The following UGT1A5 variants were observed in gnomAD, a reference collection of about 807,000 sequenced individuals.
UGT1A5 encodes the protein UDP-glucuronosyltransferase 1A5.
UGT1A5 carries 29 observed loss-of-function variants against 40.3 expected under a neutral mutation model. The observed-to-expected ratio is 0.72, with a 90% CI of 0.54 to 0.98. The LOEUF (loss-of-function observed/expected upper bound fraction) is 0.98, where lower values mean the gene tolerates loss of function less well. Ranked by LOEUF, UGT1A5 falls within the 50% of genes least tolerant of loss-of-function variation. UGT1A5 has a pLI of 0.00. For synonymous variants in UGT1A5, 257 were observed against 262.5 expected (o/e 0.98, Z 0.20); for missense variants, 678 against 677.9 (o/e 1.00, Z 0.00).
At chr2:233,759,612 A>G (rs992811783) in intron 1 of UGT1A5, among the ~76,000 whole-genome samples, 1 of 32,716 alleles carries the variant, frequency 3.1e-5, no homozygotes, top group African/African-American at 8.8e-5. Flanking sequence ...CGCCCCACCC[A>G]CCCACCTGTT....
chr2:233,755,353 G>C (rs1323397761), intron 1 of UGT1A5: 2 of 385,742 alleles, frequency 5.2e-6, no homozygotes, highest in Non-Finnish European at 9.5e-6. Context: ...GAGGCTTGGC[G>C]ACCTGGGCCG....
intron 1 of UGT1A5, among the ~76,000 whole-genome samples, chr2:233,736,694 G>T (rs2078793950): frequency 6.6e-6 from 1 of 152,122 alleles, no homozygotes; most frequent in South Asian, 2.1e-4. Context: ...CCTACAGATG[G>T]GGTTTTGGTG....
In UGT1A5 at chr2:233,772,530, A is replaced by G; in HGVS notation, c.1576A>G (p.Lys526Glu). The change falls in exon 5 of 5, where the codon AAG becomes GAG. Residue 526 changes from lysine (K) to glutamate (E), a missense_variant. By Grantham distance (56) the Lys-to-Glu change is moderately conservative (BLOSUM62 1). Transcript: ENST00000373414. ...ATGCTTGGGGAAAAAAGGGCGAGTT[A>G]AGAAAGCCCACAAATCCAAGACCCA... ...RKCLGKKGRVKKAHKSKTH is the reference protein window; with the variant it reads ...RKCLGKKGRVEKAHKSKTH 6.2e-7 allele frequency: 1 copy of G among 1,614,200 alleles called. No individual in the cohort carries two copies. The highest frequency in any genetic ancestry group is 2.2e-5 in the East Asian group (1 of 44,884).
At chr2:233,738,068 C>G (rs1312345006) in intron 1 of UGT1A5, among the ~76,000 whole-genome samples, 1 of 152,082 alleles carries the variant, frequency 6.6e-6, no homozygotes, top group Non-Finnish European at 1.5e-5. Context: ...GGGAGGTCCC[C>G]ACCTCCTAAT....
rs1427279208 is a variant in UGT1A5 at position 233,769,059 on chromosome 2, C to T, written c.1307+620C>T. Among the ~76,000 whole-genome samples, 3 of 152,006 alleles carry T rather than the reference C, an allele frequency of 2.0e-5. No individual in the cohort carries two copies. Among genetic ancestry groups the T allele is most frequent in the African/African-American group, 4.8e-5 (2 of 41,348 alleles). ...ACATCTGATCCATAAGTTTCCTGCA[C>T]AGAAAGAAATACTCCATTATAAGAA... is the stretch of plus-strand genomic sequence containing the variant. On this transcript the variant is annotated intron_variant, in intron 4 of 4. Transcript: ENST00000373414. The surrounding 1 kb of genome is among the most constrained non-coding windows in gnomAD (Gnocchi z 4.4).
In UGT1A5 at chr2:233,754,644, T is replaced by G. The variant is rs1255750118; in HGVS notation, c.868-12390T>G. 6 of 449,562 alleles carry G rather than the reference T, an allele frequency of 1.3e-5. No individual in the cohort carries two copies. In the Admixed American group the frequency reaches 1.5e-4, roughly 11 times the overall value. 27.8% of individuals were successfully genotyped at this position (449,562 alleles called of 1,614,324 possible). A position where few individuals can be genotyped will look rare whatever the true frequency, so the allele number is the denominator to read the frequency against. On this transcript the variant is annotated intron_variant, in intron 1 of 4. Coordinates refer to ENST00000373414, the MANE Select transcript of UGT1A5 (RefSeq NM_019078.2). ...CACTTCCACCCTTTCTTGGCCATTCTCAATGATTCTCTTGGTGGTGATTTT... is the reference window on the plus strand; with the variant it reads ...CACTTCCACCCTTTCTTGGCCATTCGCAATGATTCTCTTGGTGGTGATTTT...
chr2:233,723,050 G>T (rs1208688068), intron 1 of UGT1A5, among the ~76,000 whole-genome samples: 1 of 140,678 alleles, frequency 7.1e-6, no homozygotes, highest in African/African-American at 2.7e-5. Flanking sequence ...AGGCACACTC[G>T]GTGTAACTTT....
intron 1 of UGT1A5, chr2:233,753,565 G>GGACC (rs1470283120): frequency 1.3e-5 from 2 of 152,156 alleles, no homozygotes; most frequent in African/African-American, 4.8e-5. Flanking sequence ...CTAGAAGATG[G>GGACC]GACCCTTTGT....
chr2:233,729,045 G>T lies in UGT1A5; in HGVS notation c.867+15187G>T. 4.4e-6 allele frequency: 7 copies of T among 1,607,648 alleles called. No homozygotes were observed. In the South Asian group the frequency reaches 7.8e-5, roughly 18 times the overall value. ...ACGTTGATTTGCTAAGTGGCTCAGT[G>T]ACAAGGTAATTAAGATGAAGAAAGC... On this transcript the variant is annotated intron_variant, in intron 1 of 4. Transcript: ENST00000373414.
At chr2:233,720,293 G>T (rs1340833186) in intron 1 of UGT1A5, among the ~76,000 whole-genome samples, 1 of 152,182 alleles carries the variant, frequency 6.6e-6, no homozygotes, top group Non-Finnish European at 1.5e-5. Flanking sequence ...CTGACCAGGA[G>T]TTGGGGGTCT....
At chr2:233,719,619 AG>A in intron 1 of UGT1A5, 1 of 1,614,060 alleles carries the variant, frequency 6.2e-7, no homozygotes, top group Non-Finnish European at 8.5e-7. Context: ...GGACTACCCC[AG>A]GCCGATCATG....
intron 1 of UGT1A5, among the ~76,000 whole-genome samples, chr2:233,727,206 C>A (rs1441651485): frequency 6.6e-6 from 1 of 152,164 alleles, no homozygotes; most frequent in Non-Finnish European, 1.5e-5. Flanking sequence ...CTCACTGACA[C>A]CCATGGCTTC....
intron 1 of UGT1A5, among the ~76,000 whole-genome samples, chr2:233,748,516 C>G (rs60390282): frequency 6.6e-6 from 1 of 151,670 alleles, no homozygotes; most frequent in Non-Finnish European, 1.5e-5. Flanking sequence ...TCCTGTCTTG[C>G]GAATGATAGA....
intron 1 of UGT1A5, among the ~76,000 whole-genome samples, chr2:233,750,023 T>C (rs1409167915): frequency 6.6e-6 from 1 of 152,000 alleles, no homozygotes; most frequent in African/African-American, 2.4e-5. Context: ...AGTGGAGTAC[T>C]GCTATAAAGA....
At chr2:233,760,728 C>T (rs1697540030) in intron 1 of UGT1A5, 1 of 1,614,064 alleles carries the variant, frequency 6.2e-7, no homozygotes, top group African/African-American at 1.3e-5. Context: ...GCTTTGATGT[C>T]ATGCTGACGG....
At chr2:233,754,028 T>C (rs751344508) in intron 1 of UGT1A5, among the ~76,000 whole-genome samples, 3 of 152,268 alleles carry the variant, frequency 2.0e-5, no homozygotes, top group African/African-American at 7.2e-5. Context: ...AGGAAACGAA[T>C]GCATCCACTT....
chr2:233,724,617 C>G (rs553228713), intron 1 of UGT1A5, among the ~76,000 whole-genome samples: 1 of 135,362 alleles, frequency 7.4e-6, no homozygotes, highest in South Asian at 2.8e-4. Flanking sequence ...CGGGCAGAGA[C>G]GCTCCTCACT....
At chr2:233,738,254 G>A (rs1281964200) in intron 1 of UGT1A5, among the ~76,000 whole-genome samples, 3 of 152,180 alleles carry the variant, frequency 2.0e-5, no homozygotes, top group Admixed American at 1.3e-4. Context: ...TGGAACTGGA[G>A]TCAATTAAAG....
chr2:233,759,589 C>A (rs1019080455), intron 1 of UGT1A5, among the ~76,000 whole-genome samples: 1 of 147,434 alleles, frequency 6.8e-6, no homozygotes, highest in African/African-American at 2.5e-5. Context: ...CAGCACGCCC[C>A]CCACCCCCGA....
Sources: allele counts gnomAD v4.1 joint callset (sites outside exome capture counted in the v4.1 genomes callset), GRCh38; gene constraint gnomAD v4.1.1; non-coding constraint Gnocchi (gnomAD v3.1); transcripts MANE v1.5; gene names NCBI Gene and HGNC (gene_info 2026-07-23, HGNC 2026-07-21).